The following STRIP1 variants were observed in gnomAD, a reference collection of about 807,000 sequenced individuals.
The protein encoded by STRIP1 is striatin interacting protein 1.
In STRIP1, 63 loss-of-function variants were observed where a neutral mutation model predicts 106.2. The observed-to-expected ratio is 0.59, with a 90% CI of 0.48 to 0.73. STRIP1 has a LOEUF of 0.73. Ranked by LOEUF, STRIP1 falls within the 30% of genes least tolerant of loss-of-function variation. STRIP1 has a pLI of 0.00. For missense variants in STRIP1, 857 were observed against 1,074.8 expected, an observed-to-expected ratio of 0.80 and a Z score of 2.83; for synonymous variants, 390 against 413.0, an observed-to-expected ratio of 0.94 and a Z score of 0.67.
At chr1:110,035,744 T>A (rs1233547494) in intron 1 of STRIP1, among the ~76,000 whole-genome samples, 1 of 152,116 alleles carries the variant, frequency 6.6e-6, no homozygotes, top group Non-Finnish European at 1.5e-5. Context: ...GAGAGGGAAT[T>A]CCTAGTTGTC....
chr1:110,031,849 C>T (rs1652197701), upstream of STRIP1, among the ~76,000 whole-genome samples: 1 of 151,968 alleles, frequency 6.6e-6, no homozygotes, highest in Non-Finnish European at 1.5e-5. Flanking sequence ...TTATGCATGC[C>T]CCATTCCATT....
chr1:110,039,201 A>G lies in STRIP1; in HGVS notation c.355A>G (p.Thr119Ala), dbSNP rs139091016. Residue 119 changes from threonine (T) to alanine (A), a missense_variant, in exon 4 of 21, where the codon ACC (threonine) becomes GCC (alanine). By Grantham distance (58) the Thr-to-Ala change is moderately conservative (BLOSUM62 0). Around this residue, in one of 2 missense-constraint regions of STRIP1, gnomAD observed 750 missense variants for 989.8 expected, o/e 0.76. Coordinates refer to ENST00000369795, the MANE Select transcript of STRIP1 (RefSeq NM_033088.4). Reference sequence around the variant, plus strand: ...AGACAAGAAGTGGACTGAGCTGGATACCAACCAGCACCGGACCCATGCCAT... The same window carrying G: ...AGACAAGAAGTGGACTGAGCTGGATGCCAACCAGCACCGGACCCATGCCAT... ...VTDKKWTELD[T>A]NQHRTHAMRL... 36 of 1,614,144 alleles carry G rather than the reference A, an allele frequency of 2.2e-5. No individual in the cohort carries two copies. In the African/African-American group the frequency reaches 4.7e-4, roughly 21 times the overall value.
chr1:110,041,966 C>A (rs1372851234), intron 8 of STRIP1, 105 bp downstream of exon 8: 9 of 1,303,094 alleles, frequency 6.9e-6, no homozygotes, highest in Admixed American at 4.5e-5. Context: ...TGTAAAACTG[C>A]TTTGGTAAAA....
At chr1:110,043,322 T>G in intron 9 of STRIP1, 52 bp downstream of exon 9, 1 of 1,557,630 alleles carries the variant, frequency 6.4e-7, no homozygotes, top group Non-Finnish European at 8.8e-7. Flanking sequence ...AGGTGCATGC[T>G]TGCAGCAGCA....
chr1:110,046,654 C>T (rs1254820259), intron 12 of STRIP1, 26 bp from the exon 13 acceptor site: 1 of 1,609,688 alleles, frequency 6.2e-7, no homozygotes, highest in Admixed American at 1.7e-5. Context: ...TTTCCCCAGC[C>T]CTTCTTTTCC....
intron 20 of STRIP1, 111 bp downstream of exon 20, chr1:110,051,998 A>G (rs1251460733): frequency 2.7e-6 from 3 of 1,120,860 alleles, no homozygotes; most frequent in East Asian, 2.6e-5. Context: ...CTTCCCCCCA[A>G]GGAACAGGAA....
At chr1:110,049,704 G>C (rs976766778) in intron 17 of STRIP1, 144 bp downstream of exon 17, 21 of 620,362 alleles carry the variant, frequency 3.4e-5, no homozygotes, top group Non-Finnish European at 5.9e-5. Context: ...ATGAGACATG[G>C]CCTCTGCCTG....
intron 12 of STRIP1, among the ~76,000 whole-genome samples, chr1:110,046,474 T>C (rs989523650): frequency 1.7e-4 from 26 of 152,134 alleles, no homozygotes; most frequent in African/African-American, 6.0e-4. Flanking sequence ...CACTCCAGTC[T>C]GGGCAACAGA....
At chr1:110,052,866 C>G (rs76830876) in intron 20 of STRIP1, among the ~76,000 whole-genome samples, 1 of 152,134 alleles carries the variant, frequency 6.6e-6, no homozygotes, top group Admixed American at 6.5e-5. Flanking sequence ...GCGCCCGGCC[C>G]CCTAGTGAAT....
In STRIP1 at chr1:110,043,655, A is replaced by G; in HGVS notation, c.1085A>G (p.Asp362Gly). The change falls in exon 10 of 21, where the codon GAC (aspartate) becomes GGC (glycine). Residue 362 changes from aspartate (D) to glycine (G), a missense_variant. Transcript: ENST00000369795. Reference sequence around the variant, plus strand: ...TGGTTTCAGGCTCTGATAAAGCAGGACAACCTAGATGCCTTCAACGAGCGG... The same window carrying G: ...TGGTTTCAGGCTCTGATAAAGCAGGGCAACCTAGATGCCTTCAACGAGCGG... ...RREHKALIKQ[D>G]NLDAFNERDP... 6.2e-7 allele frequency: 1 copy of G among 1,613,936 alleles called. No individual in the cohort carries two copies. Among genetic ancestry groups the G allele is most frequent in the Admixed American group, 1.7e-5 (1 of 59,972 alleles).
Position 110,043,077 on chromosome 1 carries a change from CTG to C in STRIP1, c.886-8_886-7del. 1.2e-6 allele frequency: 2 copies of C among 1,604,706 alleles called. No individual in the cohort carries two copies. Among genetic ancestry groups the C allele is most frequent in the Non-Finnish European group, 1.7e-6 (2 of 1,175,680 alleles). On this transcript the variant is annotated splice_polypyrimidine_tract_variant and intron_variant, in intron 8 of 20. Coordinates refer to ENST00000369795, the MANE Select transcript of STRIP1 (RefSeq NM_033088.4). ...ATTGACCCTGGCTCTGCTTCCCTGTCTGTGATGCAGTGCACGCTAGGCGGCTT... is the reference window on the plus strand; with the variant it reads ...ATTGACCCTGGCTCTGCTTCCCTGTCTGATGCAGTGCACGCTAGGCGGCTT...
intron 17 of STRIP1, chr1:110,049,763 T>TCTA: frequency 1.8e-6 from 1 of 546,948 alleles, no homozygotes; most frequent in Admixed American, 3.5e-5. Flanking sequence ...CTGCCCCAGG[T>TCTA]GACTTGGTCT....
chr1:110,044,937 G>A (rs754171050), intron 11 of STRIP1, 32 bp downstream of exon 11: 1 of 1,613,950 alleles, frequency 6.2e-7, no homozygotes, highest in Admixed American at 1.7e-5. Context: ...TTTGCTGTTA[G>A]CTCTCCCGGC....
intron 2 of STRIP1, 163 bp downstream of exon 2, chr1:110,038,123 A>G (rs1652571045): frequency 6.2e-6 from 1 of 160,834 alleles, no homozygotes; most frequent in Admixed American, 7.2e-5. Flanking sequence ...TGTATAAAAC[A>G]TGTTATTTGA....
At chr1:110,049,028 G>C in intron 15 of STRIP1, 84 bp from the exon 16 acceptor site, 1 of 1,543,866 alleles carries the variant, frequency 6.5e-7, no homozygotes, top group Non-Finnish European at 8.9e-7. Flanking sequence ...GCCCAGGGAG[G>C]CTCCGGAGTC....
At chr1:110,037,869 A>G (rs1363435269) in intron 1 of STRIP1, 22 bp from the exon 2 acceptor site, 2 of 1,569,504 alleles carry the variant, frequency 1.3e-6, no homozygotes, top group African/African-American at 2.7e-5. Context: ...TTTTTCCTAA[A>G]GCTCTCTCCT....
Position 110,053,684 on chromosome 1 carries a change from G to A in STRIP1, c.2286G>A (p.Trp762Ter). The A allele has an allele frequency of 6.2e-7, 1 of 1,614,044 alleles. No individual in the cohort carries two copies. The highest frequency in any genetic ancestry group is 1.7e-5 in the Admixed American group (1 of 60,020). ...AYGNDLDARP[W>*]DFQAEECALR... ...TCTCAGATCTTGATGCCCGGCCTTG[G>A]GACTTCCAGGCAGAGGAGTGTGCCC... The change falls in exon 21 of 21, where the codon TGG becomes TGA. Residue 762 changes from tryptophan (W) to a stop codon, truncating the protein, a stop_gained. Coordinates refer to ENST00000369795, the MANE Select transcript of STRIP1 (RefSeq NM_033088.4). LOFTEE classifies it high-confidence loss of function.
At chr1:110,038,071 A>AATAGATAT (rs1652550119) in intron 2 of STRIP1, 111 bp downstream of exon 2, 1 of 129,696 alleles carries the variant, frequency 7.7e-6, no homozygotes, top group African/African-American at 4.5e-5. Flanking sequence ...AGTTCTATCA[A>AATAGATAT]ATATATATAT....
intron 15 of STRIP1, 144 bp downstream of exon 15, chr1:110,048,013 G>C: frequency 2.9e-6 from 2 of 679,216 alleles, no homozygotes; most frequent in Non-Finnish European, 5.0e-6. Flanking sequence ...AGGAAACTAC[G>C]AGATTAAAGA....
Sources: allele counts gnomAD v4.1 joint callset (sites outside exome capture counted in the v4.1 genomes callset), GRCh38; gene constraint gnomAD v4.1.1; regional missense constraint gnomAD v4.1.1; transcripts MANE v1.5; gene names NCBI Gene and HGNC (gene_info 2026-07-23, HGNC 2026-07-21).